The following RYR3 variants were observed in gnomAD, a reference collection of about 807,000 sequenced individuals.
RYR3 encodes the protein ryanodine receptor 3.
RYR3 carries 207 observed loss-of-function variants against 584.3 expected under a neutral mutation model. The ratio of observed to expected loss-of-function variants is 0.35; its 90% CI spans 0.32 to 0.40. The LOEUF is 0.40. Ranked by LOEUF, RYR3 falls within the 10% of genes least tolerant of loss-of-function variation. RYR3 has a pLI of 1.00. For synonymous variants in RYR3, 2,416 were observed against 2,248.5 expected (o/e 1.07, Z -2.11); for missense variants, 5,616 against 6,089.2 (o/e 0.92, Z 2.59).
At chr15:33,820,958 T>C in intron 78 of RYR3, 146 bp downstream of exon 78, 1 of 548,506 alleles carries the variant, frequency 1.8e-6, no homozygotes, top group South Asian at 2.3e-5. Flanking sequence ...GGTTTCCCTG[T>C]GTAACAGAAC....
At chr15:33,788,165 TTCA>T (rs1304205499) in intron 66 of RYR3, 50 bp from the exon 67 acceptor site, 1 of 1,607,450 alleles carries the variant, frequency 6.2e-7, no homozygotes, top group Admixed American at 1.7e-5. Flanking sequence ...GTCTTTCATT[TTCA>T]TCAATTGCCA....
chr15:33,543,707 C>T lies in RYR3; in HGVS notation c.732C>T (p.Ser244=), dbSNP rs1447634956. 6.2e-7 allele frequency: 1 copy of T among 1,607,520 alleles called. No individual in the cohort carries two copies. Among genetic ancestry groups the T allele is most frequent in the Non-Finnish European group, 8.5e-7 (1 of 1,174,116 alleles). ...LTIPSTDQND[S]QHRRIFYEAG... ...TACCATCTACAGACCAGAATGATTC[C>T]CAGCACAGGTAAGTCAGTAGCTGCA... Residue 244 remains serine, a synonymous_variant, in exon 8 of 104, where the codon TCC becomes TCT. Coordinates refer to ENST00000634891, the MANE Select transcript of RYR3 (RefSeq NM_001036.6).
At chr15:33,570,384 G>A (rs911299696) in intron 12 of RYR3, among the ~76,000 whole-genome samples, 1 of 152,074 alleles carries the variant, frequency 6.6e-6, no homozygotes, top group Non-Finnish European at 1.5e-5. Flanking sequence ...CAAAAGCCAA[G>A]TGATCATAAA....
At chr15:33,638,613 T>C (rs946426454) in intron 27 of RYR3, among the ~76,000 whole-genome samples, 1 of 152,202 alleles carries the variant, frequency 6.6e-6, no homozygotes, top group Non-Finnish European at 1.5e-5. Flanking sequence ...AATCAGAATC[T>C]GCATTCTGAC....
chr15:33,413,327 T>C (rs1314942390), intron 1 of RYR3, among the ~76,000 whole-genome samples: 1 of 152,232 alleles, frequency 6.6e-6, no homozygotes, highest in Non-Finnish European at 1.5e-5. Context: ...TAGAAAGATA[T>C]GCTATAATAA....
In RYR3 at chr15:33,864,081, T is replaced by C. The variant is rs1889525324; in HGVS notation, c.14466-57T>C. ...CTGAGCCCTGATCACAGTTAATCCA[T>C]GCGAATGAACTTGGGTCTTGACCAG... On this transcript the variant is annotated intron_variant, in intron 102 of 103. Transcript: ENST00000634891. 5.4e-6 allele frequency: 7 copies of C among 1,296,290 alleles called. No homozygotes were observed. In the East Asian group the frequency reaches 7.0e-5, roughly 13 times the overall value. 80.3% of individuals were successfully genotyped at this position (1,296,290 alleles called of 1,614,324 possible). A position where few individuals can be genotyped will look rare whatever the true frequency, so the allele number is the denominator to read the frequency against.
chr15:33,602,733 C>CTTTTTTTTTT (rs10578832), intron 17 of RYR3, among the ~76,000 whole-genome samples: 1 of 75,232 alleles, frequency 1.3e-5, no homozygotes, highest in Non-Finnish European at 2.3e-5. Flanking sequence ...TTTTTCTAGT[C>CTTTTTTTTTT]TTTTTTTTTT....
Position 33,788,815 on chromosome 15 carries a change from T to C in RYR3, c.9830+357T>C, listed in dbSNP as rs368332567. On this transcript the variant is annotated intron_variant, in intron 67 of 103. Coordinates refer to ENST00000634891, the MANE Select transcript of RYR3 (RefSeq NM_001036.6). ...CCTGACTGTGTGTTAAGCGCTCTTCTAGGCTTTAAGCGATAGGAGTGAACA... is the reference window on the plus strand; with the variant it reads ...CCTGACTGTGTGTTAAGCGCTCTTCCAGGCTTTAAGCGATAGGAGTGAACA... Among the ~76,000 whole-genome samples, 8 of 152,344 alleles carry C rather than the reference T, an allele frequency of 5.3e-5. No homozygotes were observed. The East Asian group carries it at 1.5e-3, about 29-fold the overall frequency.
At chr15:33,512,050 T>A (rs1286993258) in intron 3 of RYR3, among the ~76,000 whole-genome samples, 1 of 152,106 alleles carries the variant, frequency 6.6e-6, no homozygotes, top group Non-Finnish European at 1.5e-5. Context: ...AGTGCTGGGA[T>A]TACAGGCGTG....
At chr15:33,759,066 A>G (rs1057063830) in intron 60 of RYR3, among the ~76,000 whole-genome samples, 7 of 152,242 alleles carry the variant, frequency 4.6e-5, no homozygotes, top group Admixed American at 1.3e-4. Context: ...GACTGTTAGA[A>G]GGAAAACTAA....
chr15:33,837,557 T>C (rs2078123689), intron 88 of RYR3, 74 bp from the exon 89 acceptor site: 4 of 1,447,014 alleles, frequency 2.8e-6, no homozygotes, highest in Middle Eastern at 1.8e-4. Flanking sequence ...CTTCTAAAAA[T>C]AGCTACCTGA....
chr15:33,450,796 T>C (rs1475131116), intron 1 of RYR3, among the ~76,000 whole-genome samples: 1 of 152,156 alleles, frequency 6.6e-6, no homozygotes, highest in Non-Finnish European at 1.5e-5. Flanking sequence ...CTAAAACATG[T>C]GCGCAAACCA....
rs150679697 is a variant in RYR3, at chr15:33,864,084, G to A, written c.14466-54G>A. The stretch of plus-strand genomic sequence containing the variant: ...AGCCCTGATCACAGTTAATCCATGC[G>A]AATGAACTTGGGTCTTGACCAGAGT... On this transcript the variant is annotated intron_variant, in intron 102 of 103. Transcript: ENST00000634891. 2,270 of 1,358,562 alleles carry A rather than the reference G, an allele frequency of 1.7e-3. 22 individuals are homozygous for A. In the African/African-American group the frequency reaches 0.025, roughly 15 times the overall value. 84.2% of individuals were successfully genotyped at this position (1,358,562 alleles called of 1,614,324 possible). A position where few individuals can be genotyped will look rare whatever the true frequency, so the allele number is the denominator to read the frequency against.
In RYR3 at chr15:33,552,068, C is replaced by T. The variant is rs75868469; in HGVS notation, c.972+1752C>T. On this transcript the variant is annotated intron_variant, in intron 10 of 103. Coordinates refer to ENST00000634891, the MANE Select transcript of RYR3 (RefSeq NM_001036.6). ...CTACCCCCTTTCTCCTTGACCCACT[C>T]GGGATATGCTGCCAGGGTTAGAGCA... Among the ~76,000 whole-genome samples the T allele has an allele frequency of 1.6e-3, 248 of 152,270 alleles. 1 individual carries two copies. The highest frequency in any genetic ancestry group is 5.7e-3 in the African/African-American group (235 of 41,554).
chr15:33,435,117 G>T (rs1207668526), intron 1 of RYR3, among the ~76,000 whole-genome samples: 1 of 152,042 alleles, frequency 6.6e-6, no homozygotes, highest in East Asian at 1.9e-4. Flanking sequence ...ACCGTGCCCT[G>T]CCATTTACAT....
chr15:33,569,130 T>A (rs1257156359), intron 12 of RYR3, among the ~76,000 whole-genome samples: 4 of 152,220 alleles, frequency 2.6e-5, no homozygotes, highest in African/African-American at 9.7e-5. Flanking sequence ...ATAGTTTCCA[T>A]TTTGATTACT....
In RYR3 at chr15:33,486,764, C is replaced by T. The variant is rs116368177; in HGVS notation, c.171+13226C>T. ...GCTGAGCAGCAGAAGTGCATAGGCC[C>T]CACCTTGTGAGCCTGAGTTATTTGG... On this transcript the variant is annotated intron_variant, in intron 2 of 103. Coordinates refer to ENST00000634891, the MANE Select transcript of RYR3 (RefSeq NM_001036.6). Among the ~76,000 whole-genome samples, 759 of 152,124 alleles carry T rather than the reference C, an allele frequency of 5.0e-3. 8 individuals are homozygous for T. Among genetic ancestry groups the T allele is most frequent in the African/African-American group, 0.017 (721 of 41,494 alleles).
intron 50 of RYR3, among the ~76,000 whole-genome samples, chr15:33,739,421 G>A (rs1330704390): frequency 1.3e-5 from 2 of 152,148 alleles, no homozygotes; most frequent in African/African-American, 4.8e-5. Context: ...ACCCATATCA[G>A]CTACTGCAGA....
intron 67 of RYR3, among the ~76,000 whole-genome samples, chr15:33,794,393 G>A (rs979375471): frequency 1.4e-5 from 2 of 146,172 alleles, no homozygotes; most frequent in East Asian, 2.0e-4. Context: ...CTATCTATGG[G>A]AAATTGTACT....
Sources: gnomAD v4.1 joint callset for allele counts (sites outside exome capture counted in the v4.1 genomes callset) on GRCh38, gnomAD v4.1.1 for gene constraint, MANE v1.5 for transcripts, NCBI Gene and HGNC (gene_info 2026-07-23, HGNC 2026-07-21) for gene names.